The following EIF5B variants were observed in gnomAD, a reference collection of about 807,000 sequenced individuals.
EIF5B encodes eIF-5B.
EIF5B carries 47 observed loss-of-function variants against 147.5 expected under a neutral mutation model. The observed-to-expected ratio is 0.32, with a 90% CI of 0.25 to 0.41. The LOEUF (loss-of-function observed/expected upper bound fraction) is 0.41. Among genes scored for constraint, EIF5B ranks in the 10% least tolerant of loss-of-function variants. The pLI, the probability that EIF5B is intolerant of heterozygous loss-of-function variation, is 1.00. For synonymous variants in EIF5B, 455 were observed against 456.2 expected (o/e 1.00, Z 0.03); for missense variants, 1,064 against 1,413.2 (o/e 0.75, Z 3.96).
At chr2:99,349,492 A>G (rs1180590853) in intron 1 of EIF5B, among the ~76,000 whole-genome samples, 3 of 152,218 alleles carry the variant, frequency 2.0e-5, no homozygotes, top group Admixed American at 6.5e-5. Flanking sequence ...TTTTTGTAAT[A>G]TGTGTCTTTA....
intron 14 of EIF5B, among the ~76,000 whole-genome samples, chr2:99,387,086 T>G (rs904691569): frequency 6.6e-6 from 1 of 152,104 alleles, no homozygotes; most frequent in Non-Finnish European, 1.5e-5. Context: ...ATTTGTATTT[T>G]TAGTAGAGAC....
At position 99,382,159 on chromosome 2, in the gene EIF5B, T is replaced by C; in HGVS notation, c.2062T>C (p.Phe688Leu). The C allele has an allele frequency of 1.9e-6, 3 of 1,612,172 alleles. No homozygotes were observed. The highest frequency in any genetic ancestry group is 2.5e-6 in the Non-Finnish European group (3 of 1,178,858). ...INEQTKMIKNFDRENVRIPGM... is the reference protein window; with the variant it reads ...INEQTKMIKNLDRENVRIPGM... ...TTGAACTTTTCCCCATTGTTTCTAGTTTGATAGAGAGAATGTACGGATTCC... is the reference window on the plus strand; with the variant it reads ...TTGAACTTTTCCCCATTGTTTCTAGCTTGATAGAGAGAATGTACGGATTCC... Residue 688 changes from phenylalanine to leucine, a missense_variant and splice_region_variant, in exon 13 of 24, where the codon TTT (phenylalanine) becomes CTT (leucine). Physicochemically the swap from Phe to Leu is conservative, Grantham distance 22. Transcript: ENST00000289371.
intron 15 of EIF5B, 90 bp from the exon 16 acceptor site, chr2:99,390,129 G>A: frequency 7.0e-7 from 1 of 1,430,882 alleles, no homozygotes; most frequent in Non-Finnish European, 9.7e-7. Flanking sequence ...AAAATGATGA[G>A]CCATTTGCTC....
Position 99,361,761 on chromosome 2 carries a change from T to A in EIF5B, c.860T>A (p.Val287Asp). The A allele has an allele frequency of 3.2e-6, 5 of 1,583,892 alleles. No homozygotes were observed. The highest frequency in any genetic ancestry group is 4.3e-6 in the Non-Finnish European group (5 of 1,172,716). ...EEETVKSKVT[V>D]DTGVIPASEE... ...GAAACTGTAAAATCCAAAGTGACTG[T>A]TGATACTGGAGTAATTCCTGCCTCT... is the stretch of plus-strand genomic sequence containing the variant. Residue 287 changes from valine (V) to aspartate (D), a missense_variant, in exon 4 of 24, where the codon GTT (valine) becomes GAT (aspartate). Transcript: ENST00000289371.
At position 99,365,542 on chromosome 2, in the gene EIF5B, A is replaced by G. The variant is rs145289587; in HGVS notation, c.1288+1121A>G. ...CATACATCAGATTTCATTGGTGACT[A>G]TTGGAGAGGCTAAAAGCACCCATGA... On this transcript the variant is annotated intron_variant, in intron 6 of 23. Transcript: ENST00000289371. Among the ~76,000 whole-genome samples, 89 of 152,324 alleles carry G rather than the reference A, an allele frequency of 5.8e-4. No homozygotes were observed. The East Asian group carries it at 0.016, about 27-fold the overall frequency.
At chr2:99,382,717 A>C in intron 13 of EIF5B, 63 bp from the exon 14 acceptor site, 2 of 1,463,844 alleles carry the variant, frequency 1.4e-6, no homozygotes, top group South Asian at 2.8e-5. Flanking sequence ...GAAGTTTAAA[A>C]GTTTAAGAAA....
chr2:99,345,412 G>C (rs867747500), intron 1 of EIF5B, among the ~76,000 whole-genome samples: 1 of 152,112 alleles, frequency 6.6e-6, no homozygotes, highest in Middle Eastern at 3.4e-3. Flanking sequence ...GGCCAACATA[G>C]CAAAACCCCG....
At chr2:99,337,795 C>G (rs983536939) in intron 1 of EIF5B, among the ~76,000 whole-genome samples, 4 of 142,910 alleles carry the variant, frequency 2.8e-5, no homozygotes, top group Non-Finnish European at 3.1e-5. Flanking sequence ...TCCTCCCAGT[C>G]GAGCCTCGCT....
intron 1 of EIF5B, among the ~76,000 whole-genome samples, chr2:99,351,744 C>T (rs914754087): frequency 6.6e-5 from 10 of 152,144 alleles, no homozygotes; most frequent in Admixed American, 1.3e-4. Flanking sequence ...GTTACCCAGG[C>T]TGGAGTGCAG....
chr2:99,337,735 G>A (rs2094246475), intron 1 of EIF5B, 146 bp downstream of exon 1: 1 of 1,106,454 alleles, frequency 9.0e-7, no homozygotes, highest in Non-Finnish European at 1.2e-6. Context: ...TGCGGAGCGG[G>A]CCCAAGCCCC....
chr2:99,400,787 T>TA lies in EIF5B; in HGVS notation c.*1374dup, dbSNP rs1675273693. On this transcript the variant is annotated 3_prime_UTR_variant, in exon 24 of 24. Coordinates refer to ENST00000289371, the MANE Select transcript of EIF5B (RefSeq NM_015904.4). ...CAAGAATAAGATGGTTTAGAAGCTTTACCCTTTCTTGGAACAAGTAGAATC... is the reference window on the plus strand; with the variant it reads ...CAAGAATAAGATGGTTTAGAAGCTTTAACCCTTTCTTGGAACAAGTAGAATC... The TA allele has an allele frequency of 6.5e-6, 1 of 153,274 alleles. No individual in the cohort carries two copies. Among genetic ancestry groups the TA allele is most frequent in the Non-Finnish European group, 1.5e-5 (1 of 68,552 alleles). 9.5% of individuals were successfully genotyped at this position (153,274 alleles called of 1,614,324 possible). A position where few individuals can be genotyped will look rare whatever the true frequency, so the allele number is the denominator to read the frequency against.
At chr2:99,383,292 A>G (rs1674730035) in intron 14 of EIF5B, among the ~76,000 whole-genome samples, 1 of 152,140 alleles carries the variant, frequency 6.6e-6, no homozygotes, top group Admixed American at 6.5e-5. Context: ...GGGTGCCACA[A>G]ACCACACCCC....
intron 1 of EIF5B, among the ~76,000 whole-genome samples, chr2:99,345,459 T>C (rs1187430567): frequency 6.6e-6 from 1 of 151,860 alleles, no homozygotes; most frequent in Non-Finnish European, 1.5e-5. Flanking sequence ...CCAGGTGTGG[T>C]GGTGCATGCC....
intron 14 of EIF5B, among the ~76,000 whole-genome samples, chr2:99,387,350 T>C (rs1354453022): frequency 1.3e-5 from 2 of 152,202 alleles, no homozygotes; most frequent in Admixed American, 1.3e-4. Flanking sequence ...TTTTATATAG[T>C]GTGAGGTCAG....
chr2:99,337,414 C>T lies in EIF5B; in HGVS notation c.-141C>T, dbSNP rs1483407429. On this transcript the variant is annotated 5_prime_UTR_variant, in exon 1 of 24. Coordinates refer to ENST00000289371, the MANE Select transcript of EIF5B (RefSeq NM_015904.4). The stretch of plus-strand genomic sequence containing the variant: ...ACACCATATGTGTCCTGTTCCAGTG[C>T]GCGGGTCTGTGGAGAGCCGGGTGCG... 3.9e-6 allele frequency: 4 copies of T among 1,020,044 alleles called. No homozygotes were observed. The highest frequency in any genetic ancestry group is 6.0e-6 in the Non-Finnish European group (4 of 666,240). The allele number at this position is 1,020,044 out of a possible 1,614,324, so 63.2% of individuals were successfully genotyped here. A position where few individuals can be genotyped will look rare whatever the true frequency, so the allele number is the denominator to read the frequency against.
intron 13 of EIF5B, 25 bp from the exon 14 acceptor site, chr2:99,382,755 T>C (rs540841350): frequency 4.8e-5 from 75 of 1,572,762 alleles, no homozygotes; most frequent in African/African-American, 9.7e-5. Flanking sequence ...TTTCTACTTA[T>C]AGATCTTTTC....
rs556019061 is a variant in EIF5B at position 99,371,056 on chromosome 2, A to G, written c.1478-600A>G. 2.6e-5 allele frequency: 4 copies of G among 152,362 alleles called. No homozygotes were observed. The South Asian group carries it at 8.3e-4, about 32-fold the overall frequency. 9.4% of individuals were successfully genotyped at this position (152,362 alleles called of 1,614,324 possible). On this transcript the variant is annotated intron_variant, in intron 8 of 23. Coordinates refer to ENST00000289371, the MANE Select transcript of EIF5B (RefSeq NM_015904.4). ...AGTATATTCATGTAGCTTTTTCAAG[A>G]TCTAAAGAAACATTTAAATTAATTA...
intron 14 of EIF5B, among the ~76,000 whole-genome samples, chr2:99,383,549 A>G (rs543960237): frequency 3.9e-5 from 6 of 152,314 alleles, no homozygotes; most frequent in East Asian, 3.9e-4. Context: ...CCTCTCTTCA[A>G]TTCTGTGAAA....
Position 99,390,234 on chromosome 2 carries a change from T to C in EIF5B, c.2419T>C (p.Leu807=). Residue 807 remains leucine, a synonymous_variant, in exon 16 of 24, where the codon TTG becomes CTG. Transcript: ENST00000289371. ...EFAQQGLNAA[L]FYENKDPRTF... Reference sequence around the variant, plus strand: ...TTGCTCCTAGGGTTTGAATGCTGCTTTGTTTTATGAGAATAAAGATCCCCG... The same window carrying C: ...TTGCTCCTAGGGTTTGAATGCTGCTCTGTTTTATGAGAATAAAGATCCCCG... The C allele has an allele frequency of 6.2e-7, 1 of 1,614,044 alleles. No homozygotes were observed. Among genetic ancestry groups the C allele is most frequent in the South Asian group, 1.1e-5 (1 of 91,064 alleles).
Sources: allele counts gnomAD v4.1 joint callset (sites outside exome capture counted in the v4.1 genomes callset), GRCh38; gene constraint gnomAD v4.1.1; transcripts MANE v1.5; gene names NCBI Gene and HGNC (gene_info 2026-07-23, HGNC 2026-07-21).